PASD1: variants seen among roughly 807,000 people sequenced by gnomAD.
PASD1 encodes the protein circadian clock protein PASD1.
A neutral mutation model predicts 58.8 loss-of-function variants in PASD1; 13 were observed. That is an observed-to-expected ratio of 0.22 (90% CI 0.14 to 0.35). PASD1 has a LOEUF of 0.35. Ranked by LOEUF, PASD1 falls within the 10% of genes least tolerant of loss-of-function variation. The probability of loss-of-function intolerance (pLI) is 1.00; values close to 1 mark genes in which losing one functional copy is unlikely to be tolerated. For missense variants in PASD1, 734 were observed against 568.3 expected (o/e 1.29, Z -2.96); for synonymous variants, 236 against 216.7 (o/e 1.09, Z -0.78).
chrX:151,579,720 C>T (rs1018142381), intron 1 of PASD1, among the ~76,000 whole-genome samples: 1 of 111,636 alleles, frequency 9.0e-6, no homozygotes, highest in African/African-American at 3.3e-5. Flanking sequence ...AGGAGATGTG[C>T]AGGAAAGAAA....
chrX:151,620,729 G>A (rs1280631151), intron 4 of PASD1, among the ~76,000 whole-genome samples: 2 of 110,797 alleles, frequency 1.8e-5, no homozygotes, highest in Non-Finnish European at 1.9e-5. Context: ...AGGAGGTGGT[G>A]CTCATAAAGT....
chrX:151,617,681 G>A lies in PASD1; in HGVS notation c.208-3249G>A, dbSNP rs759465101. Among the ~76,000 whole-genome samples, 6 of 111,917 alleles carry A rather than the reference G, an allele frequency of 5.4e-5. No homozygotes were observed. The South Asian group carries it at 2.3e-3, about 42-fold the overall frequency. On this transcript the variant is annotated intron_variant, in intron 4 of 15. Transcript: ENST00000370357. The stretch of plus-strand genomic sequence containing the variant: ...CTTCATGTAGAATGTCCAAAATACA[G>A]GAACTGGTCCAGTAGCAAATTTTCT...
In PASD1 at chrX:151,676,312, C is replaced by A; in HGVS notation, c.*169C>A. Reference sequence around the variant, plus strand: ...TATGTTTGTAATTGTTTGTTAAGCACAGCCTGTTTCTTGGAAGTTATGCTG... The same window carrying A: ...TATGTTTGTAATTGTTTGTTAAGCAAAGCCTGTTTCTTGGAAGTTATGCTG... On this transcript the variant is annotated 3_prime_UTR_variant, in exon 16 of 16. Transcript: ENST00000370357. The A allele has an allele frequency of 2.0e-6, 1 of 503,201 alleles. No homozygotes were observed. Among genetic ancestry groups the A allele is most frequent in the Non-Finnish European group, 3.1e-6 (1 of 327,767 alleles). 41.5% of individuals were successfully genotyped at this position (503,201 alleles called of 1,213,427 possible).
intron 8 of PASD1, among the ~76,000 whole-genome samples, chrX:151,642,709 C>G (rs970710793): frequency 8.9e-6 from 1 of 112,390 alleles, no homozygotes; most frequent in African/African-American, 3.2e-5. Flanking sequence ...TCTTTGAACT[C>G]TGATAAAACT....
At chrX:151,649,257 C>T (rs955794695) in intron 9 of PASD1, among the ~76,000 whole-genome samples, 13 of 111,808 alleles carry the variant, frequency 1.2e-4, no homozygotes, top group East Asian at 5.7e-4. Context: ...GCATTTCCCA[C>T]GTTAAAAAGT....
chrX:151,567,971 C>T (rs2012872253), intron 1 of PASD1, among the ~76,000 whole-genome samples: 1 of 111,771 alleles, frequency 8.9e-6, no homozygotes, highest in East Asian at 2.8e-4. Flanking sequence ...GTGATCTGCC[C>T]ACCTCGGCCT....
intron 2 of PASD1, 29 bp downstream of exon 2, chrX:151,601,610 T>C (rs1346090007): frequency 1.7e-6 from 2 of 1,195,190 alleles, no homozygotes; most frequent in Non-Finnish European, 2.3e-6. Flanking sequence ...CTGACATTTC[T>C]GTCAAAGCCC....
chrX:151,629,364 C>T (rs1212600743), intron 8 of PASD1, among the ~76,000 whole-genome samples: 3 of 111,087 alleles, frequency 2.7e-5, no homozygotes, highest in East Asian at 5.7e-4. Context: ...ATGATCCGCC[C>T]GCCTCGGCCT....
intron 1 of PASD1, among the ~76,000 whole-genome samples, chrX:151,581,647 T>A (rs2013095903): frequency 9.0e-6 from 1 of 111,496 alleles, no homozygotes; most frequent in Non-Finnish European, 1.9e-5. Context: ...GAACTATCAG[T>A]TACATGTTTT....
At chrX:151,656,009 T>A in intron 9 of PASD1, among the ~76,000 whole-genome samples, 1 of 112,279 alleles carries the variant, frequency 8.9e-6, no homozygotes, top group Non-Finnish European at 1.9e-5. Flanking sequence ...AAGTATTTGA[T>A]CCATCTTGAA....
At chrX:151,641,459 A>C (rs1300996994) in intron 8 of PASD1, among the ~76,000 whole-genome samples, 1 of 111,852 alleles carries the variant, frequency 8.9e-6, no homozygotes, top group Non-Finnish European at 1.9e-5. Context: ...TAATACGTGA[A>C]ATTATCTGAA....
At position 151,676,169 on chromosome X, in the gene PASD1, G is replaced by A; in HGVS notation, c.*26G>A. 5.9e-6 allele frequency: 7 copies of A among 1,191,993 alleles called. No homozygotes were observed. Among genetic ancestry groups the A allele is most frequent in the Non-Finnish European group, 7.9e-6 (7 of 884,214 alleles). The stretch of plus-strand genomic sequence containing the variant: ...CAGTACTTTCATGACCAGTGATGAG[G>A]GGAAATGGGGGGAGGGGGCAGGCCA... On this transcript the variant is annotated 3_prime_UTR_variant, in exon 16 of 16. Transcript: ENST00000370357.
intron 1 of PASD1, among the ~76,000 whole-genome samples, chrX:151,579,877 A>C (rs949669382): frequency 3.6e-5 from 4 of 112,183 alleles, no homozygotes; most frequent in African/African-American, 1.3e-4. Context: ...TTTTTCTTCT[A>C]TAATGGTTTG....
intron 1 of PASD1, among the ~76,000 whole-genome samples, chrX:151,600,125 G>A (rs1458732779): frequency 1.8e-5 from 2 of 111,975 alleles, no homozygotes; most frequent in South Asian, 3.8e-4. Context: ...CCAGTCAGGC[G>A]TGGCGGCGTG....
chrX:151,676,017 A>G lies in PASD1; in HGVS notation c.2196A>G (p.Gly732=). 1 of 1,211,316 alleles carries G rather than the reference A, an allele frequency of 8.3e-7. No individual in the cohort carries two copies. Among genetic ancestry groups the G allele is most frequent in the Non-Finnish European group, 1.1e-6 (1 of 895,078 alleles). The change falls in exon 16 of 16, where the codon GGA becomes GGG. Residue 732 remains glycine (G), a synonymous_variant. Coordinates refer to ENST00000370357, the MANE Select transcript of PASD1 (RefSeq NM_173493.3). ...GGCAGGTGCAAGTTTCTGAGGTAGGAGTCGAGGGACCTCCTGATCCACAGG... is the reference window on the plus strand; with the variant it reads ...GGCAGGTGCAAGTTTCTGAGGTAGGGGTCGAGGGACCTCCTGATCCACAGG... ...TYHQVQVSEV[G]VEGPPDPQAF... is the part of the protein sequence containing the mutation.
chrX:151,610,997 C>G (rs756257586), intron 3 of PASD1, among the ~76,000 whole-genome samples: 42 of 111,164 alleles, frequency 3.8e-4, no homozygotes, highest in Admixed American at 2.0e-3. Flanking sequence ...CTTGTACAGG[C>G]CTCGGCTTTG....
At chrX:151,611,578 T>C (rs1232836538) in intron 3 of PASD1, 86 bp from the exon 4 acceptor site, 1 of 636,581 alleles carries the variant, frequency 1.6e-6, no homozygotes. Context: ...CAGTGTGCTA[T>C]TATAATTATC....
chrX:151,668,174 C>T (rs764845034), intron 11 of PASD1, among the ~76,000 whole-genome samples: 7 of 111,621 alleles, frequency 6.3e-5, no homozygotes, highest in Admixed American at 1.9e-4. Context: ...TTTTGAGATA[C>T]GTCCCATCGA....
chrX:151,627,835 T>C (rs2013810856), intron 8 of PASD1, among the ~76,000 whole-genome samples: 1 of 111,745 alleles, frequency 8.9e-6, no homozygotes. Flanking sequence ...TGTAAAAGTG[T>C]TCCTATTTCT....
Sources: gnomAD v4.1 joint callset for allele counts (sites outside exome capture counted in the v4.1 genomes callset) on GRCh38, gnomAD v4.1.1 for gene constraint, MANE v1.5 for transcripts, NCBI Gene and HGNC (gene_info 2026-07-23, HGNC 2026-07-21) for gene names.